CFAP91: variants seen among roughly 807,000 people sequenced by gnomAD.
The protein encoded by CFAP91 is cilia and flagella associated protein 91, also known as cilia- and flagella-associated protein 91.
Under a neutral mutation model 95.9 loss-of-function variants are expected in CFAP91, and 85 were observed. The ratio of observed to expected loss-of-function variants is 0.89; its 90% CI spans 0.74 to 1.06. CFAP91 has a LOEUF of 1.06. Ranked by LOEUF, CFAP91 falls within the 50% of genes least tolerant of loss-of-function variation. The probability of loss-of-function intolerance (pLI) is 0.00; values close to 1 mark genes in which losing one functional copy is unlikely to be tolerated. For missense variants in CFAP91, 962 were observed against 943.4 expected (o/e 1.02, Z -0.26); for synonymous variants, 335 against 327.5 (o/e 1.02, Z -0.25).
intron 4 of CFAP91, 73 bp from the exon 5 acceptor site, chr3:119,709,766 T>G: frequency 9.3e-7 from 1 of 1,078,238 alleles, no homozygotes; most frequent in Non-Finnish European, 1.4e-6. Context: ...GGACAAATAT[T>G]AGAGCTGGAA....
chr3:119,722,095 AG>A (rs1452447231), intron 6 of CFAP91, among the ~76,000 whole-genome samples: 1 of 150,558 alleles, frequency 6.6e-6, no homozygotes, highest in Non-Finnish European at 1.5e-5. Context: ...GCTTGAGCCC[AG>A]GGGTTCAAGG....
At chr3:119,733,910 T>C (rs1417694247) in intron 10 of CFAP91, among the ~76,000 whole-genome samples, 2 of 152,208 alleles carry the variant, frequency 1.3e-5, no homozygotes, top group Non-Finnish European at 2.9e-5. Context: ...CTTTCTCATG[T>C]AGTTAAAGCT....
intron 5 of CFAP91, among the ~76,000 whole-genome samples, chr3:119,711,365 T>A (rs970568494): frequency 6.6e-6 from 1 of 152,184 alleles, no homozygotes; most frequent in African/African-American, 2.4e-5. Flanking sequence ...CTATGAGCTA[T>A]GTAGATCCCT....
At chr3:119,731,762 A>G (rs1041102994) in intron 8 of CFAP91, among the ~76,000 whole-genome samples, 4 of 152,212 alleles carry the variant, frequency 2.6e-5, no homozygotes, top group Non-Finnish European at 5.9e-5. Context: ...GGTGGCGAGC[A>G]TGACTCTTTA....
chr3:119,733,204 G>A (rs1350560397), intron 9 of CFAP91, among the ~76,000 whole-genome samples, 160 bp from the exon 10 acceptor site: 1 of 152,192 alleles, frequency 6.6e-6, no homozygotes, highest in Non-Finnish European at 1.5e-5. Context: ...ATGGAAATGT[G>A]CTATTACATT....
chr3:119,715,771 G>A, intron 6 of CFAP91, 28 bp downstream of exon 6: 1 of 1,602,254 alleles, frequency 6.2e-7, no homozygotes, highest in South Asian at 1.1e-5. Flanking sequence ...CTGACTATTG[G>A]CAGATGACGA....
chr3:119,731,686 G>A (rs967952221), intron 8 of CFAP91, among the ~76,000 whole-genome samples: 4 of 152,148 alleles, frequency 2.6e-5, no homozygotes, highest in African/African-American at 4.8e-5. Context: ...CATTGAAAAC[G>A]CACAATGCAG....
chr3:119,731,747 C>G (rs35576079), intron 8 of CFAP91, among the ~76,000 whole-genome samples: 25,671 of 152,154 alleles, frequency 0.17, 2,570 homozygotes, highest in Admixed American at 0.23. Context: ...AAAAGGAGCA[C>G]AGGAGGTGGC....
chr3:119,737,195 G>A (rs961636526), intron 10 of CFAP91, among the ~76,000 whole-genome samples, 171 bp from the exon 11 acceptor site: 6 of 152,136 alleles, frequency 3.9e-5, no homozygotes, highest in Non-Finnish European at 8.8e-5. Context: ...CCTAGATCTG[G>A]TAATGAAGGA....
chr3:119,761,591 CAAAA>C (rs995738066), intron 17 of CFAP91, among the ~76,000 whole-genome samples: 1 of 151,540 alleles, frequency 6.6e-6, no homozygotes, highest in African/African-American at 2.4e-5. Context: ...CAAAAATTCT[CAAAA>C]AAAGTAACAA....
chr3:119,733,172 A>G (rs960388975), intron 9 of CFAP91, among the ~76,000 whole-genome samples, 192 bp from the exon 10 acceptor site: 13 of 152,342 alleles, frequency 8.5e-5, no homozygotes, highest in African/African-American at 3.1e-4. Flanking sequence ...AGTCTAAGTC[A>G]CTGACAACAT....
intron 7 of CFAP91, among the ~76,000 whole-genome samples, chr3:119,729,305 G>A (rs888673151): frequency 8.5e-5 from 13 of 152,098 alleles, no homozygotes; most frequent in Non-Finnish European, 1.8e-4. Flanking sequence ...TTTTTTAATT[G>A]TCAAGTGGTG....
chr3:119,732,551 G>C, intron 9 of CFAP91, 75 bp downstream of exon 9: 1 of 1,029,528 alleles, frequency 9.7e-7, no homozygotes, highest in Admixed American at 3.1e-5. Context: ...ATAAAATGTA[G>C]AAATTTAGAT....
chr3:119,747,623 C>A, intron 15 of CFAP91, 188 bp from the exon 16 acceptor site: 1 of 600,834 alleles, frequency 1.7e-6, no homozygotes, highest in South Asian at 2.3e-5. Flanking sequence ...AACTGAAGGA[C>A]AGGGTCAAAT....
rs745588947 is a variant in CFAP91 at position 119,744,200 on chromosome 3, A to G, written c.1902+4A>G. On this transcript the variant is annotated splice_donor_region_variant and intron_variant, in intron 14 of 17. Transcript: ENST00000273390. ...GGAGGACGAGATATTTAAGGAGGCA[A>G]GTAGGGGCAGCTGGGTGTGTGGAAG... 1.2e-6 allele frequency: 2 copies of G among 1,606,100 alleles called. No individual in the cohort carries two copies. The highest frequency in any genetic ancestry group is 2.2e-5 in the South Asian group (2 of 90,574).
intron 6 of CFAP91, among the ~76,000 whole-genome samples, chr3:119,723,391 T>C (rs558356290): frequency 5.7e-4 from 87 of 152,330 alleles, no homozygotes; most frequent in African/African-American, 2.0e-3. Context: ...AGCTCACATA[T>C]GGTACAATGA....
Position 119,715,573 on chromosome 3 carries a change from A to T in CFAP91, c.512A>T (p.Tyr171Phe), listed in dbSNP as rs951168502. Residue 171 changes from tyrosine to phenylalanine, a missense_variant, in exon 6 of 18, where the codon TAC becomes TTC. Tyr to Phe is a conservative substitution (Grantham distance 22). Transcript: ENST00000273390. ...VVYAVSKAEP[Y>F]TFPPTSTKHL... ...TTTTTCTCTTTTAGGGCAGAACCAT[A>T]CACTTTTCCTCCTACTTCTACTAAG... is the stretch of plus-strand genomic sequence containing the variant. The T allele has an allele frequency of 1.9e-6, 3 of 1,613,878 alleles. No homozygotes were observed. The Admixed American group carries it at 5.0e-5, about 27-fold the overall frequency.
intron 1 of CFAP91, chr3:119,706,552 ACTTT>A (rs1170672584): frequency 1.4e-5 from 6 of 437,590 alleles, no homozygotes; most frequent in Admixed American, 1.1e-4. Flanking sequence ...AACATGCTAG[ACTTT>A]CTTTATGAAT....
At chr3:119,731,832 G>T (rs888730060) in intron 8 of CFAP91, among the ~76,000 whole-genome samples, 1 of 152,236 alleles carries the variant, frequency 6.6e-6, no homozygotes, top group Non-Finnish European at 1.5e-5. Flanking sequence ...AAACAGTTCA[G>T]AAAGCTGTAA....
Sources: allele counts gnomAD v4.1 joint callset (sites outside exome capture counted in the v4.1 genomes callset), GRCh38; gene constraint gnomAD v4.1.1; transcripts MANE v1.5; gene names NCBI Gene and HGNC (gene_info 2026-07-23, HGNC 2026-07-21).